Variants in IL31RA observed in about 807,000 individuals in gnomAD.
The protein encoded by IL31RA is interleukin 31 receptor A, also known as interleukin-31 receptor subunit alpha.
IL31RA carries 66 observed loss-of-function variants against 83.7 expected under a neutral mutation model. The observed-to-expected ratio is 0.79, with a 90% confidence interval of 0.65 to 0.97. The LOEUF (loss-of-function observed/expected upper bound fraction) is 0.97, where lower values mean the gene tolerates loss of function less well. Ranked by LOEUF, IL31RA falls within the 50% of genes least tolerant of loss-of-function variation. The probability of loss-of-function intolerance (pLI) is 0.00; values close to 1 mark genes in which losing one functional copy is unlikely to be tolerated. For missense variants in IL31RA, 798 were observed against 919.4 expected (o/e 0.87, Z 1.71); for synonymous variants, 325 against 329.0 (o/e 0.99, Z 0.13).
intron 4 of IL31RA, among the ~76,000 whole-genome samples, chr5:55,877,856 G>A (rs990814199): frequency 1.8e-4 from 27 of 152,064 alleles, no homozygotes; most frequent in African/African-American, 6.3e-4. Flanking sequence ...TGGATTTGTA[G>A]ATTTGTGTAT....
chr5:55,919,034 C>A lies in IL31RA; in HGVS notation c.*1914C>A, dbSNP rs1749958606. ...TCTCCCTGCTCTCCCTGTTCTCCAC[C>A]CCTTCTATGGTGTGGGCTCTTCTGT... On this transcript the variant is annotated 3_prime_UTR_variant, in exon 15 of 15. Coordinates refer to ENST00000652347, the MANE Select transcript of IL31RA (RefSeq NM_139017.7). Among the ~76,000 whole-genome samples, 2 of 152,136 alleles carry A rather than the reference C, an allele frequency of 1.3e-5. No homozygotes were observed. Among genetic ancestry groups the A allele is most frequent in the African/African-American group, 4.8e-5 (2 of 41,420 alleles).
intron 4 of IL31RA, among the ~76,000 whole-genome samples, chr5:55,881,617 C>T (rs992802586): frequency 1.3e-5 from 2 of 151,476 alleles, no homozygotes; most frequent in Non-Finnish European, 2.9e-5. Context: ...GCGTTCTTCC[C>T]TTTTCCATTG....
At chr5:55,850,443 A>G (rs1178866666), upstream of IL31RA, among the ~76,000 whole-genome samples, 1 of 152,122 alleles carries the variant, frequency 6.6e-6, no homozygotes, top group Non-Finnish European at 1.5e-5. Flanking sequence ...TTCAGCTCTC[A>G]TATTTTGAAT....
chr5:55,876,344 T>A (rs1746848005), intron 4 of IL31RA, among the ~76,000 whole-genome samples: 1 of 152,142 alleles, frequency 6.6e-6, no homozygotes, highest in Admixed American at 6.5e-5. Context: ...AAGCAGAGGT[T>A]GCAGTGAGCC....
Position 55,908,320 on chromosome 5 carries a change from G to A in IL31RA, c.1410G>A (p.Thr470=), listed in dbSNP as rs760123420. ...AGAACATTGGCGTGAAGACGGTCAC[G>A]ATCACATGGAAAGAGATTCCCAAGA... The part of the protein sequence containing the change: ...KVENIGVKTV[T]ITWKEIPKSE... Residue 470 remains threonine, a synonymous_variant, in exon 11 of 15, where the codon ACG becomes ACA. Transcript: ENST00000652347. The A allele has an allele frequency of 2.2e-5, 35 of 1,613,998 alleles. No individual in the cohort carries two copies. The Admixed American group carries it at 3.2e-4, about 15-fold the overall frequency.
chr5:55,874,082 T>A (rs2112392637), intron 4 of IL31RA, among the ~76,000 whole-genome samples: 1 of 152,186 alleles, frequency 6.6e-6, no homozygotes, highest in Non-Finnish European at 1.5e-5. Context: ...TAAATAGGGG[T>A]CTAACTTTAT....
intron 5 of IL31RA, among the ~76,000 whole-genome samples, chr5:55,888,670 T>G (rs929886059): frequency 1.3e-5 from 2 of 152,202 alleles, no homozygotes; most frequent in Non-Finnish European, 2.9e-5. Flanking sequence ...CTTAATCCTG[T>G]TCTAGTTGGA....
intron 14 of IL31RA, among the ~76,000 whole-genome samples, chr5:55,916,244 G>A (rs1051974196): frequency 1.2e-4 from 18 of 152,032 alleles, no homozygotes; most frequent in African/African-American, 4.3e-4. Flanking sequence ...GCCAGGTATG[G>A]TGGTGTGCAT....
chr5:55,846,014 T>C, the IL31RA span, among the ~76,000 whole-genome samples: 2 of 152,208 alleles, frequency 1.3e-5, no homozygotes, highest in Admixed American at 6.5e-5. Context: ...TTGACTCTTA[T>C]ACTTGTCCAC....
In IL31RA at chr5:55,900,057, G is replaced by A. The variant is rs1661736944; in HGVS notation, c.994G>A (p.Val332Met). Residue 332 changes from valine to methionine, a missense_variant, in exon 8 of 15, where the codon GTG becomes ATG. Coordinates refer to ENST00000652347, the MANE Select transcript of IL31RA (RefSeq NM_139017.7). ...GCATCTGGGAGGCGAGAGCTTTTGG[G>A]TGTCTATGATTTCTTATAATTCTCT... is the stretch of plus-strand genomic sequence containing the variant. ...ELHLGGESFWVSMISYNSLGK... is the reference protein window; with the variant it reads ...ELHLGGESFWMSMISYNSLGK... The A allele has an allele frequency of 1.2e-6, 2 of 1,614,134 alleles. No homozygotes were observed. The highest frequency in any genetic ancestry group is 1.1e-5 in the South Asian group (1 of 91,082).
Position 55,899,625 on chromosome 5 carries a change from G to A in IL31RA, c.853-291G>A, listed in dbSNP as rs78275270. On this transcript the variant is annotated intron_variant, in intron 7 of 14. Coordinates refer to ENST00000652347, the MANE Select transcript of IL31RA (RefSeq NM_139017.7). ...CTCCTTTACACGAGTGGGATGGAGCGAAAGATACAGGCAGAAGGAAATAAG... is the reference window on the plus strand; with the variant it reads ...CTCCTTTACACGAGTGGGATGGAGCAAAAGATACAGGCAGAAGGAAATAAG... Among the ~76,000 whole-genome samples, 1,273 of 152,326 alleles carry A rather than the reference G, an allele frequency of 8.4e-3. 9 individuals are homozygous for A. The highest frequency in any genetic ancestry group is 0.014 in the Non-Finnish European group (979 of 68,032).
At chr5:55,895,747 A>G (rs955172546) in intron 6 of IL31RA, among the ~76,000 whole-genome samples, 1 of 152,164 alleles carries the variant, frequency 6.6e-6, no homozygotes, top group Non-Finnish European at 1.5e-5. Context: ...TTCCCTTCAT[A>G]TGAATTTCTA....
In IL31RA at chr5:55,868,774, G is replaced by T. The variant is rs758961906; in HGVS notation, c.155-17G>T. On this transcript the variant is annotated splice_polypyrimidine_tract_variant and intron_variant, in intron 2 of 14. Transcript: ENST00000652347. Reference sequence around the variant, plus strand: ...GAAATTTTTGTGTTTGTGTGTGTGTGTGTTTAATTTATTTAGCTCTGCCAG... The same window carrying T: ...GAAATTTTTGTGTTTGTGTGTGTGTTTGTTTAATTTATTTAGCTCTGCCAG... 2 of 1,319,726 alleles carry T rather than the reference G, an allele frequency of 1.5e-6. No individual in the cohort carries two copies. The highest frequency in any genetic ancestry group is 1.2e-5 in the South Asian group (1 of 85,076). The allele number at this position is 1,319,726 out of a possible 1,614,324, so 81.8% of individuals were successfully genotyped here. A position where few individuals can be genotyped will look rare whatever the true frequency, so the allele number is the denominator to read the frequency against.
At chr5:55,868,501 T>C (rs1381341499) in intron 2 of IL31RA, among the ~76,000 whole-genome samples, 1 of 152,230 alleles carries the variant, frequency 6.6e-6, no homozygotes, top group Non-Finnish European at 1.5e-5. Context: ...AAATACTTTG[T>C]ATGTATTTCT....
the IL31RA span, among the ~76,000 whole-genome samples, chr5:55,844,045 C>T: frequency 6.6e-6 from 1 of 151,954 alleles, no homozygotes; most frequent in African/African-American, 2.4e-5. Context: ...TCATGGGGTA[C>T]ATGTGCCAGT....
intron 7 of IL31RA, among the ~76,000 whole-genome samples, chr5:55,896,637 C>A (rs1580717196): frequency 3.3e-5 from 1 of 30,488 alleles, no homozygotes; most frequent in African/African-American, 1.5e-4. Flanking sequence ...TCCCTCCCTC[C>A]CCTCCCCGCC....
Position 55,907,471 on chromosome 5 carries a change from A to G in IL31RA, c.1354+11A>G, listed in dbSNP as rs745432879. On this transcript the variant is annotated intron_variant, in intron 10 of 14. Coordinates refer to ENST00000652347, the MANE Select transcript of IL31RA (RefSeq NM_139017.7). ...ATGCCAAAGAAGGCGGTATGAATGG[A>G]CAAGACCCTGTGGGGAAAAGGAAAC... The G allele has an allele frequency of 6.4e-7, 1 of 1,563,534 alleles. No homozygotes were observed. Among genetic ancestry groups the G allele is most frequent in the Non-Finnish European group, 8.8e-7 (1 of 1,133,690 alleles).
In IL31RA at chr5:55,900,043, G is replaced by A; in HGVS notation, c.980G>A (p.Gly327Asp). Residue 327 changes from glycine to aspartate, a missense_variant, in exon 8 of 15, where the codon GGC becomes GAC. Physicochemically the swap from Gly to Asp is moderately conservative, Grantham distance 94. Transcript: ENST00000652347. ...TNQQLELHLGGESFWVSMISY... is the reference protein window; with the variant it reads ...TNQQLELHLGDESFWVSMISY... Reference sequence around the variant, plus strand: ...CAGCAGCTTGAACTGCATCTGGGAGGCGAGAGCTTTTGGGTGTCTATGATT... The same window carrying A: ...CAGCAGCTTGAACTGCATCTGGGAGACGAGAGCTTTTGGGTGTCTATGATT... 2 of 1,614,146 alleles carry A rather than the reference G, an allele frequency of 1.2e-6. No individual in the cohort carries two copies. Among genetic ancestry groups the A allele is most frequent in the Non-Finnish European group, 1.7e-6 (2 of 1,180,018 alleles).
rs557775162 is a variant in IL31RA, at chr5:55,856,073, T to C, written c.64-3436T>C. On this transcript the variant is annotated intron_variant, in intron 1 of 14. Transcript: ENST00000652347. Reference sequence around the variant, plus strand: ...TACCTTGCCCAGCTAATTTTTGTATTTTTCGTTCAGATGGGGTTTTGCCAT... The same window carrying C: ...TACCTTGCCCAGCTAATTTTTGTATCTTTCGTTCAGATGGGGTTTTGCCAT... Among the ~76,000 whole-genome samples, 4 of 152,326 alleles carry C rather than the reference T, an allele frequency of 2.6e-5. No homozygotes were observed. The South Asian group carries it at 8.3e-4, about 32-fold the overall frequency.
Sources: allele counts gnomAD v4.1 joint callset (sites outside exome capture counted in the v4.1 genomes callset), GRCh38; gene constraint gnomAD v4.1.1; transcripts MANE v1.5; gene names NCBI Gene and HGNC (gene_info 2026-07-23, HGNC 2026-07-21).